TIA1: variants seen among roughly 807,000 people sequenced by gnomAD.
The protein encoded by TIA1 is TIA1 cytotoxic granule associated RNA binding protein.
TIA1 carries 23 observed loss-of-function variants against 65.9 expected under a neutral mutation model. The observed-to-expected ratio is 0.35, with a 90% CI of 0.25 to 0.49. The LOEUF (loss-of-function observed/expected upper bound fraction) is 0.49, where lower values mean the gene tolerates loss of function less well. Among genes scored for constraint, TIA1 ranks in the 20% least tolerant of loss-of-function variants. The pLI is 0.98. For missense variants in TIA1, 371 were observed against 477.9 expected, an observed-to-expected ratio of 0.78 and a Z score of 2.09; for synonymous variants, 147 against 149.4, an observed-to-expected ratio of 0.98 and a Z score of 0.12.
intron 1 of TIA1, among the ~76,000 whole-genome samples, chr2:70,242,956 C>T (rs1187726957): frequency 6.6e-6 from 1 of 152,166 alleles, no homozygotes; most frequent in African/African-American, 2.4e-5. Context: ...GTCTAGAACA[C>T]TGCCTGGAAC....
chr2:70,235,359 G>C (rs1367495268), intron 2 of TIA1, among the ~76,000 whole-genome samples: 1 of 152,068 alleles, frequency 6.6e-6, no homozygotes, highest in African/African-American at 2.4e-5. Flanking sequence ...AGGTTGCAGC[G>C]AGCCGAGATC....
intron 3 of TIA1, 101 bp from the exon 4 acceptor site, chr2:70,229,419 C>T (rs754023204): frequency 6.3e-5 from 63 of 996,724 alleles, no homozygotes; most frequent in Admixed American, 9.3e-5. Flanking sequence ...TAAGATGAAA[C>T]ACTGAAGGAG....
intron 2 of TIA1, among the ~76,000 whole-genome samples, chr2:70,231,194 C>T (rs1573545661): frequency 6.6e-6 from 1 of 152,000 alleles, no homozygotes; most frequent in Non-Finnish European, 1.5e-5. Context: ...CCCACCTACT[C>T]GGGAGGCTGA....
At chr2:70,234,565 G>A (rs1441359462) in intron 2 of TIA1, among the ~76,000 whole-genome samples, 5 of 152,074 alleles carry the variant, frequency 3.3e-5, no homozygotes, top group Non-Finnish European at 2.9e-5. Context: ...AAGCCAATTG[G>A]ATAAATATAT....
intron 1 of TIA1, among the ~76,000 whole-genome samples, chr2:70,238,260 GTTTTTTTTTTT>G (rs763865705): frequency 3.0e-4 from 28 of 94,614 alleles, no homozygotes; most frequent in African/African-American, 1.1e-3. Context: ...GTTCCCCCAA[GTTTTTTTTTTT>G]TTTTTTTTTT....
At chr2:70,231,207 CAGG>C (rs1397890431) in intron 2 of TIA1, among the ~76,000 whole-genome samples, 1 of 152,104 alleles carries the variant, frequency 6.6e-6, no homozygotes, top group East Asian at 1.9e-4. Flanking sequence ...GAGGCTGAGG[CAGG>C]AGAATTGCTT....
intron 1 of TIA1, among the ~76,000 whole-genome samples, chr2:70,236,771 C>T (rs1004708852): frequency 7.9e-5 from 12 of 152,254 alleles, no homozygotes; most frequent in South Asian, 2.1e-4. Context: ...GGACCACAGG[C>T]GTGTGCCATC....
chr2:70,228,975 C>G (rs1199529031), intron 5 of TIA1, 84 bp downstream of exon 5: 1 of 473,360 alleles, frequency 2.1e-6, no homozygotes, highest in Non-Finnish European at 2.9e-6. Flanking sequence ...CCCCCCTCCC[C>G]CAAATATCAA....
intron 1 of TIA1, among the ~76,000 whole-genome samples, chr2:70,247,856 G>C (rs904518619): frequency 2.0e-5 from 3 of 151,914 alleles, no homozygotes; most frequent in Admixed American, 6.6e-5. Flanking sequence ...AAAAATGCTT[G>C]GCTTTTTTCC....
At position 70,222,796 on chromosome 2, in the gene TIA1, C is replaced by T. The variant is rs1682081375; in HGVS notation, c.474+1758G>A. On this transcript the variant is annotated intron_variant, in intron 7 of 12. Transcript: ENST00000433529. ...CGTGCATGGTGGCGGCACCTGTAAT[C>T]CCAGCTACTTGGGAGGCTGAGGCAG... Among the ~76,000 whole-genome samples the T allele has an allele frequency of 1.3e-5, 2 of 152,192 alleles. 1 individual carries two copies. Among genetic ancestry groups the T allele is most frequent in the Non-Finnish European group, 2.9e-5 (2 of 68,034 alleles).
At chr2:70,218,863 A>G (rs1380811531) in intron 7 of TIA1, among the ~76,000 whole-genome samples, 1 of 152,264 alleles carries the variant, frequency 6.6e-6, no homozygotes, top group Non-Finnish European at 1.5e-5. Context: ...GCATTGCAGT[A>G]GCAGTGAATG....
intron 1 of TIA1, among the ~76,000 whole-genome samples, chr2:70,242,840 G>A (rs1692511390): frequency 6.6e-6 from 1 of 152,064 alleles, no homozygotes; most frequent in South Asian, 2.1e-4. Context: ...TTTATCTAAT[G>A]CCTGATGCTC....
chr2:70,221,537 A>C (rs1187190433), intron 7 of TIA1, among the ~76,000 whole-genome samples: 1 of 152,144 alleles, frequency 6.6e-6, no homozygotes, highest in African/African-American at 2.4e-5. Context: ...GTGATGACAC[A>C]GAATAGCAGT....
intron 10 of TIA1, chr2:70,215,735 G>A: frequency 2.4e-6 from 1 of 410,010 alleles, no homozygotes; most frequent in South Asian, 3.3e-5. Context: ...AAATACGCTG[G>A]ATGCTAGAGA....
At chr2:70,213,631 G>A (rs1677264661) in intron 12 of TIA1, among the ~76,000 whole-genome samples, 1 of 150,324 alleles carries the variant, frequency 6.7e-6, no homozygotes, top group African/African-American at 2.4e-5. Flanking sequence ...TTATAGGCAT[G>A]AGCCACCATG....
chr2:70,246,770 C>T (rs1219370629), intron 1 of TIA1, among the ~76,000 whole-genome samples: 1 of 151,972 alleles, frequency 6.6e-6, no homozygotes, highest in African/African-American at 2.4e-5. Flanking sequence ...CATGTAGTGC[C>T]AGCTACTTGG....
At chr2:70,225,121 ACC>A (rs1196537586) in intron 6 of TIA1, 2 of 1,023,486 alleles carry the variant, frequency 2.0e-6, no homozygotes, top group Non-Finnish European at 2.4e-6. Context: ...ATCAATTTAT[ACC>A]CCCCTTTTTG....
intron 6 of TIA1, among the ~76,000 whole-genome samples, chr2:70,226,567 C>T (rs942607693): frequency 6.6e-6 from 1 of 152,092 alleles, no homozygotes; most frequent in East Asian, 1.9e-4. Flanking sequence ...TATGACTACT[C>T]TGACAATAGG....
rs749059945 is a variant in TIA1 at position 70,224,661 on chromosome 2, T to C, written c.399-32A>G. 3 of 1,611,518 alleles carry C rather than the reference T, an allele frequency of 1.9e-6. No individual in the cohort carries two copies. In the South Asian group the frequency reaches 3.3e-5, roughly 18 times the overall value. On this transcript the variant is annotated intron_variant, in intron 6 of 12. Coordinates refer to ENST00000433529, the MANE Select transcript of TIA1 (RefSeq NM_022173.4). ...TCAGAAACAATCAGAAGTTTAGGTTTGCAAACTATCCTCTGGATATCAAAT... is the reference window on the plus strand; with the variant it reads ...TCAGAAACAATCAGAAGTTTAGGTTCGCAAACTATCCTCTGGATATCAAAT...
Sources: allele counts gnomAD v4.1 joint callset (sites outside exome capture counted in the v4.1 genomes callset), GRCh38; gene constraint gnomAD v4.1.1; transcripts MANE v1.5; gene names NCBI Gene and HGNC (gene_info 2026-07-23, HGNC 2026-07-21).